MAGI3: variants seen among roughly 807,000 people sequenced by gnomAD.
MAGI3 encodes the protein membrane-associated guanylate kinase, WW and PDZ domain-containing protein 3.
Under a neutral mutation model 121.8 loss-of-function variants are expected in MAGI3, and 43 were observed. The observed-to-expected ratio is 0.35, with a 90% CI of 0.28 to 0.46. MAGI3 has a LOEUF of 0.46. Among genes scored for constraint, MAGI3 ranks in the 20% least tolerant of loss-of-function variants. MAGI3 has a pLI of 1.00. For missense variants in MAGI3, 1,547 were observed against 1,797.3 expected (o/e 0.86, Z 2.52); for synonymous variants, 553 against 639.3 (o/e 0.86, Z 2.04).
At chr1:113,611,469 C>T (rs979998337) in intron 6 of MAGI3, among the ~76,000 whole-genome samples, 5 of 152,098 alleles carry the variant, frequency 3.3e-5, no homozygotes, top group South Asian at 2.1e-4. Flanking sequence ...TCATCTTTGC[C>T]TCTTTCCTCC....
At chr1:113,637,541 A>T (rs1652118371) in intron 9 of MAGI3, among the ~76,000 whole-genome samples, 1 of 152,238 alleles carries the variant, frequency 6.6e-6, no homozygotes, top group African/African-American at 2.4e-5. Context: ...TTTCTTTAAG[A>T]ATGTTGAATA....
chr1:113,573,106 T>C (rs1040207401), intron 2 of MAGI3, among the ~76,000 whole-genome samples: 2 of 152,170 alleles, frequency 1.3e-5, no homozygotes, highest in African/African-American at 4.8e-5. Context: ...TTTGTATTTT[T>C]AGTAGAGACA....
At chr1:113,566,835 A>G (rs1660451360) in intron 2 of MAGI3, among the ~76,000 whole-genome samples, 1 of 152,084 alleles carries the variant, frequency 6.6e-6, no homozygotes, top group Non-Finnish European at 1.5e-5. Flanking sequence ...ATTAAAAGAG[A>G]AGAAAAATCT....
chr1:113,437,880 C>CTTCTTCTTCTTCTTCTTCTTCTTCCTCTT (rs1557757197), intron 1 of MAGI3, among the ~76,000 whole-genome samples: 1 of 17,022 alleles, frequency 5.9e-5, no homozygotes, highest in Non-Finnish European at 9.6e-5. Context: ...TTCTTCTTCT[C>CTTCTTCTTCTTCTTCTTCTTCTTCCTCTT]CTTCTCCTTC....
intron 7 of MAGI3, among the ~76,000 whole-genome samples, chr1:113,615,388 A>G (rs1650397830): frequency 6.6e-6 from 1 of 152,190 alleles, no homozygotes. Flanking sequence ...TATCAGAAAC[A>G]TTACTATTTA....
rs1459956241 is a variant in MAGI3, at chr1:113,600,430, A to G, written c.1018+5870A>G. On this transcript the variant is annotated intron_variant, in intron 6 of 20. Transcript: ENST00000307546. ...ACAAGCATTCTTATACACCAATAAC[A>G]GACAAACAGAGAGCCAAATCATGAG... Among the ~76,000 whole-genome samples the G allele has an allele frequency of 6.6e-5, 10 of 151,142 alleles. No individual in the cohort carries two copies. The South Asian group carries it at 2.1e-3, about 32-fold the overall frequency.
chr1:113,614,611 T>A lies in MAGI3; in HGVS notation c.1029T>A (p.Tyr343Ter). The A allele has an allele frequency of 6.2e-7, 1 of 1,609,692 alleles. No homozygotes were observed. Among genetic ancestry groups the A allele is most frequent in the Non-Finnish European group, 8.5e-7 (1 of 1,177,132 alleles). ...PEDCEDGELP[Y>*]GWEKIEDPQY... ...TTTCTTTATTTACAGAGCTTCCTTA[T>A]GGCTGGGAGAAAATAGAGGACCCTC... The change falls in exon 7 of 21, where the codon TAT becomes TAA. Residue 343 changes from tyrosine to a stop codon, truncating the protein, a stop_gained. Transcript: ENST00000307546. LOFTEE classifies it high-confidence loss of function.
At chr1:113,476,505 G>C (rs1376768156) in intron 1 of MAGI3, among the ~76,000 whole-genome samples, 1 of 152,214 alleles carries the variant, frequency 6.6e-6, no homozygotes, top group Non-Finnish European at 1.5e-5. Context: ...GGAGCAAGTT[G>C]TTCAGTTTCC....
intron 1 of MAGI3, among the ~76,000 whole-genome samples, chr1:113,493,668 C>T (rs1165707478): frequency 2.6e-5 from 4 of 151,466 alleles, no homozygotes; most frequent in African/African-American, 9.7e-5. Flanking sequence ...TAATGAACTT[C>T]GATTTACAAG....
At chr1:113,538,101 A>G (rs1055987932) in intron 1 of MAGI3, among the ~76,000 whole-genome samples, 6 of 152,206 alleles carry the variant, frequency 3.9e-5, no homozygotes, top group African/African-American at 1.4e-4. Context: ...ATATTGGTTA[A>G]TTATATCAGC....
chr1:113,547,015 G>C (rs962060793), intron 1 of MAGI3, among the ~76,000 whole-genome samples: 1 of 151,316 alleles, frequency 6.6e-6, no homozygotes, highest in Non-Finnish European at 1.5e-5. Context: ...CCCAGGAGGC[G>C]GAGGTTGCAG....
chr1:113,642,616 T>A, intron 10 of MAGI3, 100 bp downstream of exon 10: 1 of 1,271,040 alleles, frequency 7.9e-7, no homozygotes, highest in Non-Finnish European at 1.1e-6. Context: ...CCAGCAGACT[T>A]AACTAGTAAT....
intron 16 of MAGI3, among the ~76,000 whole-genome samples, chr1:113,664,344 C>A (rs929168857): frequency 6.6e-6 from 1 of 152,198 alleles, no homozygotes; most frequent in Admixed American, 6.5e-5. Context: ...CCACAAATAA[C>A]CTGTCCACTT....
chr1:113,429,165 T>G (rs1187057743), intron 1 of MAGI3, among the ~76,000 whole-genome samples: 1 of 152,250 alleles, frequency 6.6e-6, no homozygotes, highest in Non-Finnish European at 1.5e-5. Flanking sequence ...AATTTTCATA[T>G]AAATTTTGGA....
chr1:113,413,729 G>C (rs950879147), intron 1 of MAGI3, among the ~76,000 whole-genome samples: 26 of 152,140 alleles, frequency 1.7e-4, no homozygotes, highest in African/African-American at 6.3e-4. Flanking sequence ...GATTGATTTT[G>C]TATCCTGCGA....
At chr1:113,393,814 C>T (rs1650951556) in intron 1 of MAGI3, among the ~76,000 whole-genome samples, 2 of 152,100 alleles carry the variant, frequency 1.3e-5, no homozygotes, top group Admixed American at 1.3e-4. Context: ...TTTATCTAAA[C>T]TTTGTGACAG....
intron 1 of MAGI3, among the ~76,000 whole-genome samples, chr1:113,425,333 A>C (rs1652951929): frequency 8.5e-6 from 1 of 117,290 alleles, no homozygotes; most frequent in African/African-American, 3.4e-5. Context: ...CCCAGGCTAG[A>C]GTGCAGTGGC....
rs1011952389 is a variant in MAGI3 at position 113,422,587 on chromosome 1, G to A, written c.316+31238G>A. Among the ~76,000 whole-genome samples the A allele has an allele frequency of 2.6e-5, 4 of 152,244 alleles. No individual in the cohort carries two copies. Among genetic ancestry groups the A allele is most frequent in the Non-Finnish European group, 2.9e-5 (2 of 68,042 alleles). ...GCTGCGGGGCAGGGTGGCGGGGCAG[G>A]CAGCTCCCGGCGCTGGCACAGGCGC... is the stretch of plus-strand genomic sequence containing the variant. On this transcript the variant is annotated intron_variant, in intron 1 of 20. Transcript: ENST00000307546. The surrounding 1 kb of genome is among the most constrained non-coding windows in gnomAD (Gnocchi z 4.3).
At chr1:113,530,307 A>T (rs1487036226) in intron 1 of MAGI3, among the ~76,000 whole-genome samples, 1 of 150,108 alleles carries the variant, frequency 6.7e-6, no homozygotes, top group Non-Finnish European at 1.5e-5. Context: ...CTCATCTAAA[A>T]CTTCCTACCA....
Sources: allele counts gnomAD v4.1 joint callset (sites outside exome capture counted in the v4.1 genomes callset), GRCh38; gene constraint gnomAD v4.1.1; non-coding constraint Gnocchi (gnomAD v3.1); transcripts MANE v1.5; gene names NCBI Gene and HGNC (gene_info 2026-07-23, HGNC 2026-07-21).